CNTNAP2: variants seen among roughly 807,000 people sequenced by gnomAD.
CNTNAP2 encodes the protein contactin associated protein 2.
In CNTNAP2, 98 loss-of-function variants were observed where a neutral mutation model predicts 155.2. The observed-to-expected ratio is 0.63, with a 90% confidence interval of 0.54 to 0.75. The LOEUF (loss-of-function observed/expected upper bound fraction) is 0.75, where lower values mean the gene tolerates loss of function less well. CNTNAP2 is among the 30% of genes least tolerant of loss of function. The probability of loss-of-function intolerance (pLI) is 0.00; values close to 1 mark genes in which losing one functional copy is unlikely to be tolerated. For synonymous variants in CNTNAP2, 651 were observed against 631.2 expected, an observed-to-expected ratio of 1.03 and a Z score of -0.47; for missense variants, 1,727 against 1,688.1, an observed-to-expected ratio of 1.02 and a Z score of -0.40.
chr7:146,118,398 G>C (rs1336536243), intron 1 of CNTNAP2, among the ~76,000 whole-genome samples: 1 of 151,954 alleles, frequency 6.6e-6, no homozygotes, highest in Non-Finnish European at 1.5e-5. Flanking sequence ...AAATTTTGGG[G>C]ATATAATGCT....
chr7:146,881,293 T>C (rs1795545535), intron 3 of CNTNAP2, among the ~76,000 whole-genome samples: 1 of 152,150 alleles, frequency 6.6e-6, no homozygotes, highest in South Asian at 2.1e-4. Flanking sequence ...TCATGTTTTA[T>C]TTGTAAAAGC....
At chr7:147,008,226 A>G (rs1798560525) in intron 3 of CNTNAP2, among the ~76,000 whole-genome samples, 1 of 152,118 alleles carries the variant, frequency 6.6e-6, no homozygotes, top group Non-Finnish European at 1.5e-5. Flanking sequence ...AGCGTATTGA[A>G]TGACCTACTC....
intron 1 of CNTNAP2, among the ~76,000 whole-genome samples, chr7:146,549,234 G>C (rs1394641256): frequency 6.6e-6 from 1 of 151,838 alleles, no homozygotes; most frequent in South Asian, 2.1e-4. Context: ...TAAATTGATA[G>C]CACATGCCAG....
intron 1 of CNTNAP2, among the ~76,000 whole-genome samples, chr7:146,533,907 T>C (rs1272438712): frequency 6.6e-6 from 1 of 152,188 alleles, no homozygotes; most frequent in Admixed American, 6.5e-5. Flanking sequence ...TACTAGATGT[T>C]ATTGGCAATA....
In CNTNAP2 at chr7:148,245,500, C is replaced by T. The variant is rs186579807; in HGVS notation, c.3381+15721C>T. ...CATATTCTGCGCGCTGCTCTTCCTTCTCCCAAATCCTTTCAGCAGCATTTT... is the reference window on the plus strand; with the variant it reads ...CATATTCTGCGCGCTGCTCTTCCTTTTCCCAAATCCTTTCAGCAGCATTTT... On this transcript the variant is annotated intron_variant, in intron 20 of 23. Coordinates refer to ENST00000361727, the MANE Select transcript of CNTNAP2 (RefSeq NM_014141.6). Among the ~76,000 whole-genome samples the T allele has an allele frequency of 2.9e-3, 439 of 152,290 alleles. 2 individuals are homozygous for T. The highest frequency in any genetic ancestry group is 8.6e-3 in the African/African-American group (358 of 41,562).
Position 147,658,254 on chromosome 7 carries a change from C to CT in CNTNAP2, c.2098+18948_2098+18949insT, listed in dbSNP as rs1491184002. Among the ~76,000 whole-genome samples the CT allele has an allele frequency of 5.5e-3, 186 of 33,998 alleles. 12 individuals are homozygous for CT. The highest frequency in any genetic ancestry group is 0.067 in the Middle Eastern group (2 of 30). 22.3% of individuals were successfully genotyped at this position (33,998 alleles called of 152,430 possible). On this transcript the variant is annotated intron_variant, in intron 13 of 23. Coordinates refer to ENST00000361727, the MANE Select transcript of CNTNAP2 (RefSeq NM_014141.6). ...CCTGGGAGACAGAGCGAGACTCCGTCCCAAAAAAAAAAAAAAAAAAAGATA... is the reference window on the plus strand; with the variant it reads ...CCTGGGAGACAGAGCGAGACTCCGTCTCCAAAAAAAAAAAAAAAAAAAGATA...
intron 14 of CNTNAP2, among the ~76,000 whole-genome samples, chr7:147,943,877 A>T (rs942395174): frequency 6.6e-6 from 1 of 151,854 alleles, no homozygotes; most frequent in Non-Finnish European, 1.5e-5. Context: ...TTGAACAAAA[A>T]TCACCAAGAA....
intron 8 of CNTNAP2, chr7:147,146,685 T>A (rs1484437794): frequency 6.6e-6 from 1 of 152,282 alleles, no homozygotes; most frequent in East Asian, 1.9e-4. Flanking sequence ...AGATTTTTTA[T>A]CTAAATATAG....
intron 2 of CNTNAP2, among the ~76,000 whole-genome samples, chr7:146,813,960 T>A (rs1438250680): frequency 6.6e-6 from 1 of 152,134 alleles, no homozygotes; most frequent in East Asian, 1.9e-4. Flanking sequence ...TTCCACCTTG[T>A]GAAGAAGGAT....
chr7:147,876,393 T>G (rs1799419072), intron 13 of CNTNAP2, among the ~76,000 whole-genome samples: 1 of 152,194 alleles, frequency 6.6e-6, no homozygotes, highest in Non-Finnish European at 1.5e-5. Flanking sequence ...AAATGTATAT[T>G]GCTCAGCCAA....
At chr7:147,717,787 G>A (rs1201595579) in intron 13 of CNTNAP2, among the ~76,000 whole-genome samples, 4 of 151,994 alleles carry the variant, frequency 2.6e-5, no homozygotes, top group South Asian at 4.1e-4. Flanking sequence ...CTCAAGAGGC[G>A]GAGGTGGGAG....
chr7:146,357,086 C>T (rs890013822), intron 1 of CNTNAP2, among the ~76,000 whole-genome samples: 1 of 151,932 alleles, frequency 6.6e-6, no homozygotes, highest in African/African-American at 2.4e-5. Flanking sequence ...ACATGGTTTG[C>T]CTAAAGGTCA....
chr7:147,484,370 T>C (rs1032391628), intron 10 of CNTNAP2, among the ~76,000 whole-genome samples: 2 of 152,148 alleles, frequency 1.3e-5, no homozygotes, highest in South Asian at 2.1e-4. Context: ...AAGCTTTTAA[T>C]TGTGCCCAAA....
chr7:147,515,340 T>TTTTTTTTTTG (rs1799102703), intron 11 of CNTNAP2, among the ~76,000 whole-genome samples: 1 of 148,348 alleles, frequency 6.7e-6, no homozygotes, highest in African/African-American at 2.5e-5. Flanking sequence ...TTTGTTTGTT[T>TTTTTTTTTTG]TGAGACAAGT....
chr7:146,144,432 G>T (rs1009988365), intron 1 of CNTNAP2, among the ~76,000 whole-genome samples: 2 of 152,160 alleles, frequency 1.3e-5, no homozygotes. Context: ...GATTATAGAT[G>T]TGAGCTACTG....
chr7:147,120,309 C>T (rs1379297789), intron 5 of CNTNAP2, among the ~76,000 whole-genome samples: 1 of 152,118 alleles, frequency 6.6e-6, no homozygotes, highest in East Asian at 1.9e-4. Flanking sequence ...CCTCATGCAA[C>T]CTTACAAAGC....
intron 10 of CNTNAP2, among the ~76,000 whole-genome samples, chr7:147,482,138 C>T (rs753198271): frequency 1.4e-4 from 22 of 151,968 alleles, no homozygotes; most frequent in Non-Finnish European, 2.6e-4. Context: ...GTAGGAATCT[C>T]AGTTCAGAAG....
chr7:147,282,321 A>G (rs1026466729), intron 8 of CNTNAP2, among the ~76,000 whole-genome samples: 1 of 151,852 alleles, frequency 6.6e-6, no homozygotes, highest in South Asian at 2.1e-4. Flanking sequence ...AGTTTTTCAA[A>G]CTTGACTTAT....
chr7:147,341,669 A>G (rs1234460631), intron 9 of CNTNAP2, among the ~76,000 whole-genome samples: 2 of 150,044 alleles, frequency 1.3e-5, no homozygotes, highest in African/African-American at 4.9e-5. Context: ...TGTTAGGATG[A>G]TCTTGATCAG....
Sources: gnomAD v4.1 joint callset for allele counts (sites outside exome capture counted in the v4.1 genomes callset) on GRCh38, gnomAD v4.1.1 for gene constraint, MANE v1.5 for transcripts, NCBI Gene and HGNC (gene_info 2026-07-23, HGNC 2026-07-21) for gene names.